The following TUT7 variants were observed in gnomAD, a reference collection of about 807,000 sequenced individuals.
TUT7 encodes the protein terminal uridylyl transferase 7.
A neutral mutation model predicts 165.9 loss-of-function variants in TUT7; 33 were observed. The observed-to-expected ratio is 0.20, with a 90% CI of 0.15 to 0.27. TUT7 has a LOEUF of 0.27. TUT7 is among the 10% of genes least tolerant of loss of function. TUT7 has a pLI of 1.00. For missense variants in TUT7, 1,338 were observed against 1,762.3 expected (o/e 0.76, Z 4.31); for synonymous variants, 552 against 608.1 (o/e 0.91, Z 1.36).
At chr9:86,304,813 C>T in intron 24 of TUT7, 43 bp downstream of exon 24, 1 of 1,406,758 alleles carries the variant, frequency 7.1e-7, no homozygotes, top group East Asian at 2.3e-5. Flanking sequence ...AAATTAGGCA[C>T]TTTTTTTTAT....
At chr9:86,347,395 A>T (rs888818350) in intron 2 of TUT7, among the ~76,000 whole-genome samples, 2 of 152,236 alleles carry the variant, frequency 1.3e-5, no homozygotes, top group Admixed American at 6.5e-5. Flanking sequence ...ATCGAGTTTT[A>T]AAAAATGAAA....
intron 5 of TUT7, among the ~76,000 whole-genome samples, chr9:86,343,896 T>C (rs1343017115): frequency 6.6e-6 from 1 of 152,232 alleles, no homozygotes; most frequent in Non-Finnish European, 1.5e-5. Context: ...GTTGGTTTTC[T>C]TGTTTGTTTA....
At chr9:86,320,731 T>A (rs992562214) in intron 14 of TUT7, among the ~76,000 whole-genome samples, 11 of 152,182 alleles carry the variant, frequency 7.2e-5, no homozygotes, top group South Asian at 2.1e-4. Flanking sequence ...GCAAGGCAAC[T>A]TTCGGCCCCT....
intron 26 of TUT7, chr9:86,298,917 T>C (rs1292321966): frequency 3.2e-6 from 2 of 627,176 alleles, no homozygotes; most frequent in African/African-American, 4.0e-5. Context: ...CAAGGAGAGC[T>C]GAAATAAGGC....
At chr9:86,347,989 T>C (rs1831921337) in intron 2 of TUT7, among the ~76,000 whole-genome samples, 1 of 152,210 alleles carries the variant, frequency 6.6e-6, no homozygotes, top group Non-Finnish European at 1.5e-5. Flanking sequence ...ACTTCAGTGT[T>C]TATTACAGGT....
At chr9:86,332,760 A>C (rs947563169) in intron 10 of TUT7, among the ~76,000 whole-genome samples, 1 of 152,214 alleles carries the variant, frequency 6.6e-6, no homozygotes, top group South Asian at 2.1e-4. Flanking sequence ...TAGTCTGTCA[A>C]TATTTAAGTT....
At chr9:86,346,723 C>G (rs896006024) in intron 2 of TUT7, among the ~76,000 whole-genome samples, 1 of 152,180 alleles carries the variant, frequency 6.6e-6, no homozygotes, top group African/African-American at 2.4e-5. Context: ...CTACTTCAAT[C>G]ATACAATTTG....
intron 26 of TUT7, among the ~76,000 whole-genome samples, chr9:86,296,953 C>G (rs959778286): frequency 6.6e-6 from 1 of 152,158 alleles, no homozygotes; most frequent in African/African-American, 2.4e-5. Context: ...TGGATAGGAT[C>G]GATTTTAACC....
rs202080089 is a variant in TUT7, at chr9:86,346,344, C to G, written c.657G>C (p.Gln219His). 169 of 1,614,114 alleles carry G rather than the reference C, an allele frequency of 1.0e-4. No individual in the cohort carries two copies. In the East Asian group the frequency reaches 1.6e-3, roughly 15 times the overall value. Residue 219 changes from glutamine to histidine, a missense_variant, in exon 3 of 27, where the codon CAG becomes CAC. By Grantham distance (24) the Gln-to-His change is conservative. Transcript: ENST00000375963. Reference protein sequence around the residue: ...LSTKELLGLQQAEERLKRDCI... With the variant: ...LSTKELLGLQHAEERLKRDCI... ...AGTCTCTCTTCAGTCTCTCCTCAGC[C>G]TGCTGTAAGCCTAGCAGCTCCTTCG...
intron 22 of TUT7, among the ~76,000 whole-genome samples, chr9:86,307,012 G>A (rs540743327): frequency 6.6e-6 from 1 of 152,154 alleles, no homozygotes; most frequent in African/African-American, 2.4e-5. Context: ...GCTCACGCCT[G>A]TAATCCCAGC....
At chr9:86,300,197 T>C (rs1826750148) in intron 26 of TUT7, among the ~76,000 whole-genome samples, 1 of 152,196 alleles carries the variant, frequency 6.6e-6, no homozygotes, top group African/African-American at 2.4e-5. Flanking sequence ...TAAAAATTTT[T>C]AAGTATTTTG....
rs988777004 is a variant in TUT7, at chr9:86,345,709, T to C, written c.779A>G (p.His260Arg). The change falls in exon 4 of 27, where the codon CAT (histidine) becomes CGT (arginine). Residue 260 changes from histidine to arginine, a missense_variant. Physicochemically the swap from His to Arg is conservative, Grantham distance 29. This residue lies in a region of TUT7 where 434 missense variants were observed against 480.8 expected (regional missense o/e 0.90). Coordinates refer to ENST00000375963, the MANE Select transcript of TUT7 (RefSeq NM_024617.4). ...GTGCCTCTTTTCCTTGATATGCTTA[T>C]GGGCAAATGCAATGGATTCAATTAA... is the stretch of plus-strand genomic sequence containing the variant. Reference protein sequence around the residue: ...DVLIESIAFAHKHIKEKRHKK... With the variant: ...DVLIESIAFARKHIKEKRHKK... 1 of 1,613,892 alleles carries C rather than the reference T, an allele frequency of 6.2e-7. No homozygotes were observed. Among genetic ancestry groups the C allele is most frequent in the East Asian group, 2.2e-5 (1 of 44,874 alleles).
intron 26 of TUT7, among the ~76,000 whole-genome samples, chr9:86,291,899 T>C (rs1825929303): frequency 1.3e-5 from 2 of 152,196 alleles, no homozygotes; most frequent in Admixed American, 1.3e-4. Flanking sequence ...ACAAGGATGT[T>C]CACTATAGCA....
intron 17 of TUT7, among the ~76,000 whole-genome samples, chr9:86,316,952 C>T (rs1264082132): frequency 3.3e-5 from 5 of 152,062 alleles, no homozygotes; most frequent in African/African-American, 4.8e-5. Flanking sequence ...CAACTATTTA[C>T]ATAGTATTTA....
chr9:86,298,753 T>C (rs977625820), intron 26 of TUT7: 36 of 982,542 alleles, frequency 3.7e-5, no homozygotes, highest in Non-Finnish European at 4.4e-5. Flanking sequence ...TTGTTTTTTT[T>C]AAAACCCACA....
intron 22 of TUT7, among the ~76,000 whole-genome samples, 172 bp from the exon 23 acceptor site, chr9:86,305,411 C>T (rs1235439020): frequency 6.6e-6 from 1 of 152,078 alleles, no homozygotes; most frequent in Non-Finnish European, 1.5e-5. Context: ...TAAAATGACA[C>T]CTGTTAAATG....
chr9:86,327,394 C>G (rs888879202), intron 11 of TUT7, among the ~76,000 whole-genome samples: 2 of 152,202 alleles, frequency 1.3e-5, no homozygotes, highest in African/African-American at 4.8e-5. Flanking sequence ...CTGAGTTAAG[C>G]ATTCTGTAAG....
At chr9:86,309,807 C>A in intron 19 of TUT7, 121 bp downstream of exon 19, 1 of 1,067,610 alleles carries the variant, frequency 9.4e-7, no homozygotes, top group Middle Eastern at 2.8e-4. Flanking sequence ...TAGGGTCTCC[C>A]AAATAGCTAC....
At position 86,323,432 on chromosome 9, in the gene TUT7, A is replaced by G. The variant is rs1829504593; in HGVS notation, c.2318T>C (p.Val773Ala). ...ATTATTACGTGTGCTGCCACAGACA[A>G]CATGCTCTCCACGTTTCTGATCAAC... ...LTVDQKRGEH[V>A]VCGSTRNNES... Residue 773 changes from valine to alanine, a missense_variant, in exon 13 of 27, where the codon GTT becomes GCT. Physicochemically the swap from Val to Ala is moderately conservative, Grantham distance 64 (BLOSUM62 0). This residue lies in a region of TUT7 where 425 missense variants were observed against 474.9 expected (regional missense o/e 0.89). Transcript: ENST00000375963. 2 of 1,614,118 alleles carry G rather than the reference A, an allele frequency of 1.2e-6. No individual in the cohort carries two copies. Among genetic ancestry groups the G allele is most frequent in the African/African-American group, 2.7e-5 (2 of 74,940 alleles).
Sources: gnomAD v4.1 joint callset for allele counts (sites outside exome capture counted in the v4.1 genomes callset) on GRCh38, gnomAD v4.1.1 for gene constraint, gnomAD v4.1.1 regional missense constraint, MANE v1.5 for transcripts, NCBI Gene and HGNC (gene_info 2026-07-23, HGNC 2026-07-21) for gene names.